KCNK2: variants seen among roughly 807,000 people sequenced by gnomAD.
KCNK2 encodes potassium channel subfamily K member 2.
A neutral mutation model predicts 40.5 loss-of-function variants in KCNK2; 21 were observed. That is an observed-to-expected ratio of 0.52 (90% CI 0.37 to 0.75). The LOEUF (loss-of-function observed/expected upper bound fraction) is 0.75, where lower values mean the gene tolerates loss of function less well. KCNK2 is among the 30% of genes least tolerant of loss of function. The probability of loss-of-function intolerance (pLI) is 0.00; values close to 1 mark genes in which losing one functional copy is unlikely to be tolerated. For synonymous variants in KCNK2, 191 were observed against 202.2 expected (o/e 0.94, Z 0.47); for missense variants, 399 against 531.6 (o/e 0.75, Z 2.45).
At chr1:215,070,209 A>G (rs775426406) in intron 1 of KCNK2, among the ~76,000 whole-genome samples, 3 of 150,904 alleles carry the variant, frequency 2.0e-5, no homozygotes, top group Non-Finnish European at 4.4e-5. Flanking sequence ...AGCAGATCGT[A>G]GGCATCCTGG....
chr1:215,068,381 T>C (rs1658632485), intron 1 of KCNK2, among the ~76,000 whole-genome samples: 1 of 152,106 alleles, frequency 6.6e-6, no homozygotes, highest in Non-Finnish European at 1.5e-5. Context: ...AGGACATCTA[T>C]TACTTCAGGC....
intron 5 of KCNK2, among the ~76,000 whole-genome samples, chr1:215,175,552 A>T (rs1663928322): frequency 6.6e-6 from 1 of 151,818 alleles, no homozygotes; most frequent in African/African-American, 2.4e-5. Context: ...TTACCTGGGT[A>T]TATTGTGCGA....
intron 1 of KCNK2, among the ~76,000 whole-genome samples, chr1:215,067,321 A>C (rs1468390247): frequency 6.6e-6 from 1 of 152,296 alleles, no homozygotes; most frequent in Non-Finnish European, 1.5e-5. Context: ...GATATATATA[A>C]TTTTTTAAAA....
intron 6 of KCNK2, among the ~76,000 whole-genome samples, chr1:215,209,486 TAC>T (rs1665522563): frequency 1.4e-4 from 5 of 36,630 alleles, no homozygotes; most frequent in African/African-American, 4.2e-4. Flanking sequence ...TTATATATAA[TAC>T]ATATATATAA....
chr1:215,115,698 C>T (rs1265122830), intron 2 of KCNK2, among the ~76,000 whole-genome samples: 1 of 149,710 alleles, frequency 6.7e-6, no homozygotes, highest in African/African-American at 2.4e-5. Context: ...CTGACTTCTT[C>T]TTCTACCTCC....
rs575716148 is a variant in KCNK2, at chr1:215,011,006, G to A, written c.34+5051G>A. Among the ~76,000 whole-genome samples the A allele has an allele frequency of 4.2e-4, 40 of 95,908 alleles. 1 individual carries two copies. Among genetic ancestry groups the A allele is most frequent in the Admixed American group, 4.2e-3 (39 of 9,358 alleles). 62.9% of individuals were successfully genotyped at this position (95,908 alleles called of 152,430 possible). On this transcript the variant is annotated intron_variant, in intron 1 of 6. Transcript: ENST00000391895. ...ATAAAATATACTTATATATAATATT[G>A]TATTAAATATATATTTAAGTTACTT...
At chr1:215,097,289 C>A (rs1346861484) in intron 2 of KCNK2, among the ~76,000 whole-genome samples, 3 of 151,880 alleles carry the variant, frequency 2.0e-5, no homozygotes, top group African/African-American at 7.3e-5. Context: ...CTTAAATTGA[C>A]AGCCATGGTT....
At chr1:215,232,642 G>A (rs556531895) in intron 6 of KCNK2, among the ~76,000 whole-genome samples, 4 of 152,204 alleles carry the variant, frequency 2.6e-5, no homozygotes, top group East Asian at 1.9e-4. Context: ...CAAGTATATA[G>A]GTGAACATTT....
chr1:215,066,798 G>A (rs1223326107), intron 1 of KCNK2, among the ~76,000 whole-genome samples: 2 of 152,054 alleles, frequency 1.3e-5, no homozygotes, highest in Admixed American at 1.3e-4. Flanking sequence ...TGGAGGATAA[G>A]GATTTTTACT....
At chr1:215,223,879 G>T (rs1666282763) in intron 6 of KCNK2, among the ~76,000 whole-genome samples, 1 of 151,798 alleles carries the variant, frequency 6.6e-6, no homozygotes, top group African/African-American at 2.4e-5. Context: ...AGTATGCTGG[G>T]TAAAAAAAAA....
intron 6 of KCNK2, among the ~76,000 whole-genome samples, chr1:215,228,131 T>C (rs976971826): frequency 3.9e-5 from 6 of 152,164 alleles, no homozygotes; most frequent in Admixed American, 2.0e-4. Context: ...TAGATGGTAA[T>C]TGAAACAATC....
intron 2 of KCNK2, among the ~76,000 whole-genome samples, chr1:215,124,048 G>C (rs1258151911): frequency 6.6e-6 from 1 of 152,168 alleles, no homozygotes; most frequent in African/African-American, 2.4e-5. Context: ...ATTAAAATCT[G>C]TAGAAATTCT....
intron 1 of KCNK2, among the ~76,000 whole-genome samples, chr1:215,024,550 A>T (rs1331597576): frequency 3.3e-5 from 5 of 152,080 alleles, no homozygotes; most frequent in Non-Finnish European, 7.4e-5. Context: ...GTCTTGCAAT[A>T]TTTTGCCATA....
chr1:215,180,647 G>C (rs1664185282), intron 5 of KCNK2, among the ~76,000 whole-genome samples: 1 of 151,944 alleles, frequency 6.6e-6, no homozygotes, highest in African/African-American at 2.4e-5. Context: ...TAAAATTACT[G>C]GTTGAAATTT....
At chr1:215,050,019 A>C (rs1657926901) in intron 1 of KCNK2, among the ~76,000 whole-genome samples, 1 of 152,102 alleles carries the variant, frequency 6.6e-6, no homozygotes, top group South Asian at 2.1e-4. Context: ...TTTTATAATA[A>C]GCTTATCTAT....
chr1:215,026,882 TATTA>T (rs1028855381), intron 1 of KCNK2, among the ~76,000 whole-genome samples: 26 of 152,170 alleles, frequency 1.7e-4, no homozygotes, highest in South Asian at 4.1e-4. Context: ...CTAATTTTTA[TATTA>T]ATTTATTCCA....
intron 1 of KCNK2, among the ~76,000 whole-genome samples, chr1:215,007,121 G>GTA (rs1362388850): frequency 7.2e-5 from 7 of 96,690 alleles, no homozygotes; most frequent in Non-Finnish European, 1.2e-4. Context: ...GTGTATATAT[G>GTA]TATATATATG....
At chr1:215,085,236 G>T (rs1659377899) in intron 1 of KCNK2, among the ~76,000 whole-genome samples, 1 of 152,134 alleles carries the variant, frequency 6.6e-6, no homozygotes, top group Admixed American at 6.5e-5. Flanking sequence ...ACTGAAATCT[G>T]TAGCAATTAT....
At chr1:215,164,808 T>C (rs1433175985) in intron 3 of KCNK2, among the ~76,000 whole-genome samples, 1 of 152,114 alleles carries the variant, frequency 6.6e-6, no homozygotes, top group East Asian at 1.9e-4. Flanking sequence ...TTATCACACG[T>C]TTGTATCAGT....
Sources: allele counts gnomAD v4.1 joint callset (sites outside exome capture counted in the v4.1 genomes callset), GRCh38; gene constraint gnomAD v4.1.1; transcripts MANE v1.5; gene names NCBI Gene and HGNC (gene_info 2026-07-23, HGNC 2026-07-21).